The following DLGAP1 variants were observed in gnomAD, a reference collection of about 807,000 sequenced individuals.
The protein encoded by DLGAP1 is disks large-associated protein 1.
A neutral mutation model predicts 90.8 loss-of-function variants in DLGAP1; 11 were observed. That is an observed-to-expected ratio of 0.12 (90% confidence interval 0.08 to 0.20). The LOEUF is 0.20. Among genes scored for constraint, DLGAP1 ranks in the 10% least tolerant of loss-of-function variants. The probability of loss-of-function intolerance (pLI) is 1.00; values close to 1 mark genes in which losing one functional copy is unlikely to be tolerated. For missense variants in DLGAP1, 1,050 were observed against 1,333.8 expected (o/e 0.79, Z 3.31); for synonymous variants, 558 against 540.7 (o/e 1.03, Z -0.44).
intron 3 of DLGAP1, chr18:3,977,916 C>G (rs1346137117): frequency 5.6e-6 from 2 of 359,190 alleles, no homozygotes; most frequent in South Asian, 4.4e-5. Context: ...ATGACCAACA[C>G]GTTGGTGGTG....
At chr18:3,708,910 A>T (rs1598417401) in intron 7 of DLGAP1, among the ~76,000 whole-genome samples, 1 of 152,226 alleles carries the variant, frequency 6.6e-6, no homozygotes, top group Non-Finnish European at 1.5e-5. Context: ...CAGATTTTTC[A>T]GGGAAATCTC....
intron 1 of DLGAP1, among the ~76,000 whole-genome samples, chr18:4,256,399 A>G (rs1256629147): frequency 6.6e-6 from 1 of 152,174 alleles, no homozygotes; most frequent in Non-Finnish European, 1.5e-5. Context: ...GATCCCCTCT[A>G]TAATAAATAA....
chr18:4,059,619 G>A (rs979455862), intron 2 of DLGAP1, among the ~76,000 whole-genome samples: 1 of 152,106 alleles, frequency 6.6e-6, no homozygotes, highest in African/African-American at 2.4e-5. Context: ...GCTGAGGCAG[G>A]AGAATCACTT....
chr18:4,027,501 CT>C (rs2074721331), intron 2 of DLGAP1, among the ~76,000 whole-genome samples: 3 of 51,212 alleles, frequency 5.9e-5, no homozygotes, highest in African/African-American at 2.7e-4. Flanking sequence ...AAGACTCCGT[CT>C]CAAAAAAAAA....
chr18:3,711,557 A>T lies in DLGAP1; in HGVS notation c.1591+17578T>A, dbSNP rs560356242. Among the ~76,000 whole-genome samples, 16 of 152,182 alleles carry T rather than the reference A, an allele frequency of 1.1e-4. 1 individual carries two copies. Among genetic ancestry groups the T allele is most frequent in the Non-Finnish European group, 2.9e-5 (2 of 68,018 alleles). Reference sequence around the variant, plus strand: ...GTGGTGAGGAATAAGACAGAAATCCAGCCGGGTGTGGTGGCTCATGCTTCT... The same window carrying T: ...GTGGTGAGGAATAAGACAGAAATCCTGCCGGGTGTGGTGGCTCATGCTTCT... On this transcript the variant is annotated intron_variant, in intron 7 of 12. Transcript: ENST00000315677. The surrounding 1 kb of genome is among the most constrained non-coding windows in gnomAD (Gnocchi z 4.0).
intron 1 of DLGAP1, among the ~76,000 whole-genome samples, chr18:4,324,556 C>CACA (rs1568514505): frequency 6.6e-6 from 1 of 151,894 alleles, no homozygotes; most frequent in Non-Finnish European, 1.5e-5. Context: ...CTGGCAGAGA[C>CACA]ACAACAACAA....
At chr18:3,708,712 A>T (rs2061512527) in intron 7 of DLGAP1, among the ~76,000 whole-genome samples, 1 of 152,228 alleles carries the variant, frequency 6.6e-6, no homozygotes, top group Non-Finnish European at 1.5e-5. Flanking sequence ...GGAAATGGTA[A>T]TGAAGGAAAA....
chr18:3,768,546 T>C (rs1271773919), intron 5 of DLGAP1, among the ~76,000 whole-genome samples: 1 of 152,192 alleles, frequency 6.6e-6, no homozygotes, highest in Admixed American at 6.5e-5. Context: ...TTCAAAGACA[T>C]ACTCTATGGC....
At chr18:4,357,157 CTTTTTTTT>C (rs554248097) in intron 1 of DLGAP1, among the ~76,000 whole-genome samples, 3 of 108,708 alleles carry the variant, frequency 2.8e-5, no homozygotes, top group African/African-American at 7.2e-5. Flanking sequence ...TGTTTTTTTC[CTTTTTTTT>C]TTTTTTTTTT....
At chr18:4,411,456 A>C (rs1438960404) in intron 1 of DLGAP1, among the ~76,000 whole-genome samples, 1 of 152,250 alleles carries the variant, frequency 6.6e-6, no homozygotes, top group East Asian at 1.9e-4. Flanking sequence ...TATAGCGGGC[A>C]GAGAAAGTCA....
chr18:3,536,568 T>C (rs1160761163), intron 9 of DLGAP1, among the ~76,000 whole-genome samples: 1 of 152,156 alleles, frequency 6.6e-6, no homozygotes, highest in African/African-American at 2.4e-5. Context: ...TAAAACTCAT[T>C]TGCCTGGTAA....
In DLGAP1 at chr18:4,435,640, A is replaced by G. The variant is rs74916161; in HGVS notation, c.-267+19366T>C. On this transcript the variant is annotated intron_variant, in intron 1 of 12. Transcript: ENST00000315677. ...AGCTGCATCCATAATTTAACTCTGG[A>G]AAGAGTTTTGGTATATTTGAATGCA... Among the ~76,000 whole-genome samples the G allele has an allele frequency of 3.7e-3, 567 of 152,294 alleles. 4 individuals are homozygous for G. The highest frequency in any genetic ancestry group is 0.013 in the African/African-American group (523 of 41,578).
rs139698648 is a variant in DLGAP1 at position 3,748,312 on chromosome 18, C to T, written c.1173-5800G>A. 8.9e-4 allele frequency among the ~76,000 whole-genome samples: 136 copies of T among 152,326 alleles called. 2 individuals are homozygous for T. Among genetic ancestry groups the T allele is most frequent in the Admixed American group, 2.8e-3 (43 of 15,308 alleles). ...GGAAGGCTGCCATTGCGAAGAAGAG[C>T]GTGTACAGTAATCATCAGACCACAA... On this transcript the variant is annotated intron_variant, in intron 5 of 12. Transcript: ENST00000315677.
intron 7 of DLGAP1, among the ~76,000 whole-genome samples, chr18:3,702,594 C>T (rs377508469): frequency 2.6e-5 from 4 of 152,186 alleles, no homozygotes; most frequent in Admixed American, 2.0e-4. Flanking sequence ...GACAGGGGAG[C>T]GAGGCAGGCT....
chr18:3,674,737 C>T (rs1315298173), intron 7 of DLGAP1, among the ~76,000 whole-genome samples: 10 of 152,072 alleles, frequency 6.6e-5, no homozygotes, highest in South Asian at 6.2e-4. Flanking sequence ...ACCTATACCA[C>T]GTCCAACTCT....
chr18:3,599,253 C>T (rs762428014), intron 7 of DLGAP1, among the ~76,000 whole-genome samples: 14 of 152,210 alleles, frequency 9.2e-5, no homozygotes, highest in African/African-American at 1.4e-4. Flanking sequence ...GGCGCTTTAC[C>T]TATAGTCTCA....
chr18:3,923,133 C>CAAAAA (rs34107115), intron 3 of DLGAP1, among the ~76,000 whole-genome samples: 51 of 70,982 alleles, frequency 7.2e-4, no homozygotes, highest in Non-Finnish European at 8.2e-4. Flanking sequence ...GAACCTGTCT[C>CAAAAA]AAAAAAAAAA....
chr18:3,904,823 G>A (rs2071860682), intron 3 of DLGAP1, among the ~76,000 whole-genome samples: 1 of 152,006 alleles, frequency 6.6e-6, no homozygotes, highest in Admixed American at 6.6e-5. Flanking sequence ...CGTCTTTCAA[G>A]ACTTACTTTG....
At chr18:4,122,539 G>T (rs575829028) in intron 2 of DLGAP1, among the ~76,000 whole-genome samples, 1 of 152,332 alleles carries the variant, frequency 6.6e-6, no homozygotes, top group East Asian at 1.9e-4. Context: ...TGGAACTGTA[G>T]TGAAAATGTT....
Sources: allele counts gnomAD v4.1 joint callset (sites outside exome capture counted in the v4.1 genomes callset), GRCh38; gene constraint gnomAD v4.1.1; non-coding constraint Gnocchi (gnomAD v3.1); transcripts MANE v1.5; gene names NCBI Gene and HGNC (gene_info 2026-07-23, HGNC 2026-07-21).